Variants in STAG1 observed in about 807,000 individuals in gnomAD.
The protein encoded by STAG1 is cohesin subunit SA-1.
Under a neutral mutation model 170.9 loss-of-function variants are expected in STAG1, and 26 were observed. That is an observed-to-expected ratio of 0.15 (90% confidence interval 0.11 to 0.21). The LOEUF is 0.21. Ranked by LOEUF, STAG1 falls within the 10% of genes least tolerant of loss-of-function variation. STAG1 has a pLI of 1.00. For synonymous variants in STAG1, 514 were observed against 497.7 expected, an observed-to-expected ratio of 1.03 and a Z score of -0.44; for missense variants, 964 against 1,509.5, an observed-to-expected ratio of 0.64 and a Z score of 5.99.
At position 136,601,701 on chromosome 3, in the gene STAG1, G is replaced by A. The variant is rs185107647; in HGVS notation, c.297+2608C>T. 9.9e-5 allele frequency among the ~76,000 whole-genome samples: 15 copies of A among 152,164 alleles called. No homozygotes were observed. The East Asian group carries it at 2.7e-3, about 28-fold the overall frequency. ...ACAAACAAAAAATTAGCTAGACGTG[G>A]TGGCAGGCACCTGTAACCCCAGCTA... On this transcript the variant is annotated intron_variant, in intron 4 of 33. Coordinates refer to ENST00000383202, the MANE Select transcript of STAG1 (RefSeq NM_005862.3).
chr3:136,665,623 C>CA (rs1279294983), intron 1 of STAG1, among the ~76,000 whole-genome samples: 1 of 150,478 alleles, frequency 6.6e-6, no homozygotes. Flanking sequence ...ACTAAAAATA[C>CA]AAAAAAATTA....
chr3:136,466,436 G>C (rs967520125), intron 12 of STAG1, among the ~76,000 whole-genome samples: 1 of 152,192 alleles, frequency 6.6e-6, no homozygotes, highest in Non-Finnish European at 1.5e-5. Context: ...AATGAAGTGA[G>C]AAGAGAAGTT....
At chr3:136,521,718 G>C (rs1401963240) in intron 6 of STAG1, among the ~76,000 whole-genome samples, 3 of 152,112 alleles carry the variant, frequency 2.0e-5, no homozygotes, top group Non-Finnish European at 4.4e-5. Context: ...GAGGTAATCT[G>C]AAACAGTAAA....
chr3:136,652,687 C>T (rs1010933333), intron 1 of STAG1, among the ~76,000 whole-genome samples: 3 of 152,122 alleles, frequency 2.0e-5, no homozygotes, highest in Non-Finnish European at 4.4e-5. Flanking sequence ...AGCACAAGTG[C>T]CAGATAAAAG....
intron 1 of STAG1, among the ~76,000 whole-genome samples, chr3:136,652,871 T>G (rs1209211398): frequency 1.3e-5 from 2 of 152,228 alleles, no homozygotes; most frequent in Non-Finnish European, 2.9e-5. Context: ...ACTAGCCTGT[T>G]GATGCTACTA....
In STAG1 at chr3:136,590,573, T is replaced by G. The variant is rs116655013; in HGVS notation, c.297+13736A>C. Among the ~76,000 whole-genome samples the G allele has an allele frequency of 5.9e-3, 893 of 152,216 alleles. 9 individuals carry two copies. Among genetic ancestry groups the G allele is most frequent in the African/African-American group, 0.02 (830 of 41,550 alleles). ...CAGCTTATATTTAGCACTTTCCTAC[T>G]TTTATGCTTGAATAACCTAAAAGTT... On this transcript the variant is annotated intron_variant, in intron 4 of 33. Transcript: ENST00000383202.
rs1429805741 is a variant in STAG1, at chr3:136,417,914, C to T, written c.2167G>A (p.Gly723Arg). The change falls in exon 21 of 34, where the codon GGA becomes AGA. Residue 723 changes from glycine (G) to arginine (R), a missense_variant. Around this residue, in one of 11 missense-constraint regions of STAG1, gnomAD observed 232 missense variants for 313.0 expected, o/e 0.74. Transcript: ENST00000383202. ...FGNCYRLLKTGIEHGAMPEQI... is the reference protein window; with the variant it reads ...FGNCYRLLKTRIEHGAMPEQI... Reference sequence around the variant, plus strand: ...TCTGGCATGGCTCCATGTTCAATTCCAGTCTTCAATAATCTGTAGCAATTA... The same window carrying T: ...TCTGGCATGGCTCCATGTTCAATTCTAGTCTTCAATAATCTGTAGCAATTA... 6.2e-7 allele frequency: 1 copy of T among 1,613,804 alleles called. No individual in the cohort carries two copies. Among genetic ancestry groups the T allele is most frequent in the African/African-American group, 1.3e-5 (1 of 74,894 alleles).
At chr3:136,490,066 A>G (rs539885805) in intron 9 of STAG1, among the ~76,000 whole-genome samples, 12 of 152,258 alleles carry the variant, frequency 7.9e-5, no homozygotes, top group African/African-American at 2.6e-4. Flanking sequence ...TTTGGGACAT[A>G]ATCTTACTCC....
intron 21 of STAG1, among the ~76,000 whole-genome samples, chr3:136,403,819 T>G (rs962801568): frequency 6.6e-6 from 1 of 152,186 alleles, no homozygotes; most frequent in African/African-American, 2.4e-5. Context: ...CAGAGACACT[T>G]GGCCATCCCA....
intron 4 of STAG1, among the ~76,000 whole-genome samples, chr3:136,595,565 T>A (rs968194520): frequency 7.2e-5 from 11 of 151,988 alleles, no homozygotes; most frequent in South Asian, 2.1e-4. Context: ...CAGTCCCAGC[T>A]GCTCAGGAGG....
At chr3:136,373,468 T>C (rs1937458625) in intron 23 of STAG1, among the ~76,000 whole-genome samples, 1 of 152,188 alleles carries the variant, frequency 6.6e-6, no homozygotes, top group Non-Finnish European at 1.5e-5. Context: ...TCTTTCCGGC[T>C]TTCTCTTGTG....
chr3:136,742,672 G>A (rs1464066500), intron 1 of STAG1, among the ~76,000 whole-genome samples: 5 of 149,590 alleles, frequency 3.3e-5, no homozygotes, highest in Non-Finnish European at 7.4e-5. Flanking sequence ...CAGAGATTGC[G>A]CCACTGCACT....
intron 22 of STAG1, among the ~76,000 whole-genome samples, chr3:136,395,956 T>C (rs2108335389): frequency 6.6e-6 from 1 of 152,326 alleles, no homozygotes; most frequent in East Asian, 1.9e-4. Context: ...CAGGCTGGAA[T>C]GCAGTGGCAA....
intron 15 of STAG1, among the ~76,000 whole-genome samples, chr3:136,441,095 A>C (rs963579606): frequency 2.8e-5 from 4 of 140,718 alleles, no homozygotes; most frequent in Admixed American, 7.7e-5. Context: ...TGAATCGGCG[A>C]GATCTCAGCT....
intron 16 of STAG1, among the ~76,000 whole-genome samples, chr3:136,432,514 T>TGG (rs61616234): frequency 3.6e-4 from 36 of 100,414 alleles, no homozygotes; most frequent in African/African-American, 1.5e-3. Flanking sequence ...TCTTTTTTTT[T>TGG]GGGGGGGGGG....
chr3:136,573,632 A>G (rs566473619), intron 4 of STAG1, among the ~76,000 whole-genome samples: 1 of 149,536 alleles, frequency 6.7e-6, no homozygotes, highest in African/African-American at 2.5e-5. Context: ...AACAAAAAAT[A>G]AAAAAAAAAC....
intron 20 of STAG1, among the ~76,000 whole-genome samples, chr3:136,420,551 G>A (rs531386725): frequency 6.6e-6 from 1 of 152,226 alleles, no homozygotes; most frequent in South Asian, 2.1e-4. Context: ...AGTGTATGTT[G>A]GCTGTTACAT....
intron 16 of STAG1, among the ~76,000 whole-genome samples, chr3:136,426,983 C>T (rs1444166970): frequency 6.6e-6 from 1 of 151,894 alleles, no homozygotes; most frequent in Non-Finnish European, 1.5e-5. Context: ...TGGCATGAAC[C>T]CAGGAGGCGC....
intron 28 of STAG1, among the ~76,000 whole-genome samples, chr3:136,354,346 G>T (rs1410667410): frequency 6.6e-6 from 1 of 152,196 alleles, no homozygotes; most frequent in Non-Finnish European, 1.5e-5. Context: ...AGGGTGGAGT[G>T]CAGTGGCACG....
Sources: allele counts gnomAD v4.1 joint callset (sites outside exome capture counted in the v4.1 genomes callset), GRCh38; gene constraint gnomAD v4.1.1; regional missense constraint gnomAD v4.1.1; transcripts MANE v1.5; gene names NCBI Gene and HGNC (gene_info 2026-07-23, HGNC 2026-07-21).